Variants in C1GALT1 observed in about 807,000 individuals in gnomAD.
The protein encoded by C1GALT1 is core 1 synthase, glycoprotein-N-acetylgalactosamine 3-beta-galactosyltransferase 1.
C1GALT1 carries 11 observed loss-of-function variants against 31.0 expected under a neutral mutation model. The observed-to-expected ratio is 0.36, with a 90% CI of 0.22 to 0.59. The LOEUF is 0.59. C1GALT1 is among the 20% of genes least tolerant of loss of function. The probability of loss-of-function intolerance (pLI) is 0.79; values close to 1 mark genes in which losing one functional copy is unlikely to be tolerated. For missense variants in C1GALT1, 424 were observed against 425.2 expected (o/e 1.00, Z 0.03); for synonymous variants, 175 against 143.6 (o/e 1.22, Z -1.56).
At chr7:7,186,586 GATGA>G (rs1420225927) in intron 1 of C1GALT1, among the ~76,000 whole-genome samples, 5 of 152,202 alleles carry the variant, frequency 3.3e-5, no homozygotes, top group African/African-American at 1.2e-4. Flanking sequence ...CAGTAAACAA[GATGA>G]ATAAGTAAAA....
chr7:7,216,386 G>A (rs1194935244), intron 1 of C1GALT1, among the ~76,000 whole-genome samples: 1 of 152,102 alleles, frequency 6.6e-6, no homozygotes, highest in African/African-American at 2.4e-5. Context: ...GGATCTGGAT[G>A]AACTAAGTAA....
intron 1 of C1GALT1, among the ~76,000 whole-genome samples, chr7:7,223,221 C>T (rs534505687): frequency 2.0e-5 from 3 of 152,176 alleles, no homozygotes; most frequent in African/African-American, 4.8e-5. Flanking sequence ...TACAGTGGCG[C>T]GATCTTGGCT....
At chr7:7,208,122 A>T (rs909709890) in intron 1 of C1GALT1, among the ~76,000 whole-genome samples, 2 of 152,118 alleles carry the variant, frequency 1.3e-5, no homozygotes, top group African/African-American at 4.8e-5. Context: ...CTCACCCGAT[A>T]GTCACTTAGC....
At chr7:7,193,929 T>G (rs1781178061) in intron 1 of C1GALT1, among the ~76,000 whole-genome samples, 1 of 151,658 alleles carries the variant, frequency 6.6e-6, no homozygotes, top group African/African-American at 2.4e-5. Context: ...ATTTTTTTTT[T>G]GCAGACATAG....
chr7:7,160,350 C>T (rs572913905), intron 2 of C1GALT1, among the ~76,000 whole-genome samples: 1 of 152,242 alleles, frequency 6.6e-6, no homozygotes, highest in African/African-American at 2.4e-5. Flanking sequence ...CTAATCCCTG[C>T]CATTTGACTA....
chr7:7,176,380 T>G (rs1780506640), intron 2 of C1GALT1, among the ~76,000 whole-genome samples: 2 of 152,214 alleles, frequency 1.3e-5, no homozygotes, highest in African/African-American at 4.8e-5. Context: ...TTATAAATAA[T>G]TTACTCCTTT....
Position 7,177,414 on chromosome 7 carries a change from G to A in C1GALT1, c.-18+19988G>A, listed in dbSNP as rs570327288. 1.8e-4 allele frequency among the ~76,000 whole-genome samples: 28 copies of A among 152,246 alleles called. 1 individual carries two copies. In the South Asian group the frequency reaches 5.8e-3, roughly 32 times the overall value. On this transcript the variant is annotated intron_variant, in intron 2 of 3. Transcript: ENST00000429911. ...TGCTATTGGGTGCAATTTTGCTCTA[G>A]GATGAACTCATAAACTCAAATAACC...
intron 1 of C1GALT1, among the ~76,000 whole-genome samples, chr7:7,200,695 C>G (rs1035006842): frequency 3.9e-5 from 6 of 152,148 alleles, no homozygotes; most frequent in African/African-American, 1.4e-4. Flanking sequence ...TTGTTCGTTT[C>G]TTTTTACTCT....
intron 1 of C1GALT1, among the ~76,000 whole-genome samples, chr7:7,185,654 C>G (rs1055980244): frequency 1.3e-5 from 2 of 152,188 alleles, no homozygotes; most frequent in Admixed American, 6.5e-5. Flanking sequence ...TGCTCCACTT[C>G]TTGCAAGGAT....
At position 7,246,859 on chromosome 7, in the gene C1GALT1, T is replaced by C. The variant is rs899618064; in HGVS notation, c.*3132T>C. 6 of 152,154 alleles carry C rather than the reference T, an allele frequency of 3.9e-5. No homozygotes were observed. Among genetic ancestry groups the C allele is most frequent in the Non-Finnish European group, 1.5e-5 (1 of 68,022 alleles). 9.4% of individuals were successfully genotyped at this position (152,154 alleles called of 1,614,324 possible). ...AAAAGCATGTTTTAAATCAGTGTAG[T>C]CCAGGATCACACTATATTAAATATA... On this transcript the variant is annotated 3_prime_UTR_variant, in exon 4 of 4. Coordinates refer to ENST00000436587, the MANE Select transcript of C1GALT1 (RefSeq NM_020156.5).
intron 1 of C1GALT1, among the ~76,000 whole-genome samples, chr7:7,199,197 C>G (rs879285713): frequency 1.3e-5 from 2 of 152,198 alleles, no homozygotes; most frequent in Non-Finnish European, 2.9e-5. Flanking sequence ...TCCCTCTACA[C>G]ACTGCTTTAA....
chr7:7,196,926 G>C (rs539687160), intron 1 of C1GALT1, among the ~76,000 whole-genome samples: 1 of 151,164 alleles, frequency 6.6e-6, no homozygotes, highest in African/African-American at 2.4e-5. Flanking sequence ...ATTTTTTCTT[G>C]TATATTTGGA....
At chr7:7,226,924 G>T (rs1421955372) in intron 1 of C1GALT1, among the ~76,000 whole-genome samples, 1 of 152,140 alleles carries the variant, frequency 6.6e-6, no homozygotes, top group African/African-American at 2.4e-5. Context: ...GAGTGTGTGT[G>T]TATGTATATG....
rs1178103006 is a variant in C1GALT1 at position 7,247,903 on chromosome 7, G to A, written c.*4176G>A. 2 of 152,026 alleles carry A rather than the reference G, an allele frequency of 1.3e-5. No homozygotes were observed. Among genetic ancestry groups the A allele is most frequent in the African/African-American group, 4.8e-5 (2 of 41,432 alleles). The allele number at this position is 152,026 out of a possible 1,614,324, so 9.4% of individuals were successfully genotyped here. A position where few individuals can be genotyped will look rare whatever the true frequency, so the allele number is the denominator to read the frequency against. On this transcript the variant is annotated 3_prime_UTR_variant, in exon 4 of 4. Transcript: ENST00000436587. ...AAGTAAAAGTCTAAGAATAATGCCT[G>A]CTGGCTCTCGAGATACTTGCCCTAC...
chr7:7,206,851 C>A (rs73674688), intron 1 of C1GALT1, among the ~76,000 whole-genome samples: 20,492 of 151,810 alleles, frequency 0.13, 1,632 homozygotes, highest in East Asian at 0.37. Flanking sequence ...TTGAGGACTG[C>A]TTATGTGTGA....
intron 1 of C1GALT1, among the ~76,000 whole-genome samples, chr7:7,211,729 T>C (rs1202346774): frequency 6.6e-6 from 1 of 152,246 alleles, no homozygotes; most frequent in African/African-American, 2.4e-5. Context: ...GATACCCTAC[T>C]TACTTTTATT....
chr7:7,215,897 T>C (rs1421599698), intron 1 of C1GALT1, among the ~76,000 whole-genome samples: 3 of 152,152 alleles, frequency 2.0e-5, no homozygotes, highest in Non-Finnish European at 2.9e-5. Flanking sequence ...AGTCTCCTTT[T>C]ACTTGCCTAA....
intron 2 of C1GALT1, among the ~76,000 whole-genome samples, chr7:7,166,948 A>G (rs60301611): frequency 0.037 from 5,623 of 152,270 alleles, 293 homozygotes; most frequent in African/African-American, 0.12. Context: ...AAACACATCA[A>G]TCTTACTTCA....
At chr7:7,173,638 C>G (rs989035977) in intron 2 of C1GALT1, among the ~76,000 whole-genome samples, 7 of 152,192 alleles carry the variant, frequency 4.6e-5, no homozygotes, top group Non-Finnish European at 8.8e-5. Flanking sequence ...CACAATGGCT[C>G]ATGCCTGTAA....
Sources: allele counts gnomAD v4.1 joint callset (sites outside exome capture counted in the v4.1 genomes callset), GRCh38; gene constraint gnomAD v4.1.1; transcripts MANE v1.5; gene names NCBI Gene and HGNC (gene_info 2026-07-23, HGNC 2026-07-21).